Variants in ASIC2 observed in about 807,000 individuals in gnomAD.
ASIC2 encodes the protein acid-sensing ion channel 2.
Under a neutral mutation model 57.3 loss-of-function variants are expected in ASIC2, and 25 were observed. The ratio of observed to expected loss-of-function variants is 0.44; its 90% confidence interval spans 0.32 to 0.61. The LOEUF (loss-of-function observed/expected upper bound fraction) is 0.61. Ranked by LOEUF, ASIC2 falls within the 20% of genes least tolerant of loss-of-function variation. ASIC2 has a pLI of 0.06. For synonymous variants in ASIC2, 319 were observed against 307.5 expected (o/e 1.04, Z -0.39); for missense variants, 641 against 738.1 (o/e 0.87, Z 1.52).
intron 1 of ASIC2, among the ~76,000 whole-genome samples, chr17:33,712,500 A>C (rs1909070755): frequency 6.6e-6 from 1 of 152,192 alleles, no homozygotes; most frequent in Non-Finnish European, 1.5e-5. Context: ...TGGGTAAAGA[A>C]TTCGGGCCTG....
intron 1 of ASIC2, among the ~76,000 whole-genome samples, chr17:33,596,138 G>A (rs1904971658): frequency 6.6e-6 from 1 of 152,154 alleles, no homozygotes. Context: ...TTGGAGCTCT[G>A]AGCTTTTCAC....
intron 1 of ASIC2, among the ~76,000 whole-genome samples, chr17:34,088,320 T>C (rs1243546752): frequency 6.6e-6 from 1 of 152,224 alleles, no homozygotes; most frequent in African/African-American, 2.4e-5. Flanking sequence ...AGACCCTGTT[T>C]GCCTGGGTAT....
intron 1 of ASIC2, among the ~76,000 whole-genome samples, chr17:33,696,554 A>G (rs542682160): frequency 6.6e-6 from 1 of 152,190 alleles, no homozygotes; most frequent in Non-Finnish European, 1.5e-5. Flanking sequence ...ACATGAACGA[A>G]GAAGGCCCCC....
intron 1 of ASIC2, among the ~76,000 whole-genome samples, chr17:33,227,071 CAGTT>C (rs1439622744): frequency 1.3e-5 from 2 of 152,040 alleles, no homozygotes; most frequent in Non-Finnish European, 2.9e-5. Context: ...GAGCACATCT[CAGTT>C]AGGATTGGCC....
chr17:33,414,520 C>T (rs548533348), intron 1 of ASIC2, among the ~76,000 whole-genome samples: 1 of 152,284 alleles, frequency 6.6e-6, no homozygotes, highest in South Asian at 2.1e-4. Context: ...ACGGCAGCCA[C>T]CGACTGGGCT....
At chr17:33,452,738 G>GGGGTGTGTGTGT (rs1555535324) in intron 1 of ASIC2, among the ~76,000 whole-genome samples, 17 of 140,508 alleles carry the variant, frequency 1.2e-4, no homozygotes, top group South Asian at 7.3e-4. Flanking sequence ...AACAGAGTGG[G>GGGGTGTGTGTGT]GTGTGTGTGT....
In ASIC2 at chr17:33,561,022, A is replaced by C. The variant is rs189757899; in HGVS notation, c.556-448955T>G. The stretch of plus-strand genomic sequence containing the variant: ...AGGTGGCATACTTCTGGGCAGTCTA[A>C]ATTTTCAGAGGTCAAGCCTTTCTGT... On this transcript the variant is annotated intron_variant, in intron 1 of 9. Transcript: ENST00000359872. Among the ~76,000 whole-genome samples, 305 of 152,194 alleles carry C rather than the reference A, an allele frequency of 2.0e-3. 1 individual carries two copies. The highest frequency in any genetic ancestry group is 6.4e-3 in the South Asian group (31 of 4,814).
intron 1 of ASIC2, among the ~76,000 whole-genome samples, chr17:33,602,843 T>C (rs1164748726): frequency 2.6e-5 from 4 of 152,224 alleles, no homozygotes; most frequent in Non-Finnish European, 5.9e-5. Flanking sequence ...GAAATAGCTG[T>C]GGAATGAAGT....
At chr17:33,621,721 T>A (rs1011599836) in intron 1 of ASIC2, among the ~76,000 whole-genome samples, 1 of 152,230 alleles carries the variant, frequency 6.6e-6, no homozygotes, top group African/African-American at 2.4e-5. Context: ...ATGCAGTTCC[T>A]GGGGGCCTCT....
chr17:33,441,126 G>C (rs1376405722), intron 1 of ASIC2, among the ~76,000 whole-genome samples: 2 of 151,958 alleles, frequency 1.3e-5, no homozygotes, highest in Non-Finnish European at 2.9e-5. Context: ...GTGCTACCAT[G>C]CCTGGCTAAT....
At chr17:33,035,066 A>C (rs1032535831) in intron 3 of ASIC2, among the ~76,000 whole-genome samples, 1 of 152,008 alleles carries the variant, frequency 6.6e-6, no homozygotes, top group African/African-American at 2.4e-5. Context: ...ACCTGTGCTC[A>C]AGTTTGGCAT....
At chr17:33,628,908 G>C (rs1437288452) in intron 1 of ASIC2, among the ~76,000 whole-genome samples, 4 of 152,170 alleles carry the variant, frequency 2.6e-5, no homozygotes, top group Non-Finnish European at 2.9e-5. Context: ...TCTTAGCCCT[G>C]CACTGTGCCT....
At chr17:33,830,970 C>T (rs1427839325) in intron 1 of ASIC2, among the ~76,000 whole-genome samples, 1 of 151,516 alleles carries the variant, frequency 6.6e-6, no homozygotes, top group Non-Finnish European at 1.5e-5. Flanking sequence ...ATTAGCAAGG[C>T]ATGATGGCAT....
At chr17:33,828,249 G>T (rs549954650) in intron 1 of ASIC2, 2 of 152,258 alleles carry the variant, frequency 1.3e-5, no homozygotes, top group African/African-American at 4.8e-5. Flanking sequence ...AAATCTGAGG[G>T]TATTTAGTCT....
At chr17:33,017,053 C>A (rs1380729970) in intron 8 of ASIC2, among the ~76,000 whole-genome samples, 2 of 152,216 alleles carry the variant, frequency 1.3e-5, no homozygotes, top group Non-Finnish European at 2.9e-5. Context: ...GGAGACATTT[C>A]CCCAGACTGT....
intron 1 of ASIC2, among the ~76,000 whole-genome samples, chr17:33,702,587 G>A (rs1908738173): frequency 6.6e-6 from 1 of 152,164 alleles, no homozygotes; most frequent in Admixed American, 6.5e-5. Context: ...CCCGAGGGAG[G>A]AATTAGGGAG....
intron 2 of ASIC2, 72 bp from the exon 3 acceptor site, chr17:33,089,062 G>C (rs184514372): frequency 2.1e-5 from 34 of 1,584,458 alleles, no homozygotes; most frequent in Non-Finnish European, 2.7e-5. Context: ...GGATTGAAAA[G>C]CTCAAAGGGA....
At chr17:33,403,138 T>C (rs1910341429) in intron 1 of ASIC2, among the ~76,000 whole-genome samples, 1 of 152,196 alleles carries the variant, frequency 6.6e-6, no homozygotes, top group Non-Finnish European at 1.5e-5. Context: ...CCTCCATTGC[T>C]AGTGACCATG....
At chr17:33,183,317 C>T (rs1445673690) in intron 1 of ASIC2, among the ~76,000 whole-genome samples, 2 of 152,096 alleles carry the variant, frequency 1.3e-5, no homozygotes, top group Non-Finnish European at 2.9e-5. Context: ...TATAAATTAC[C>T]AACTAAGATA....
Sources: allele counts gnomAD v4.1 joint callset (sites outside exome capture counted in the v4.1 genomes callset), GRCh38; gene constraint gnomAD v4.1.1; transcripts MANE v1.5; gene names NCBI Gene and HGNC (gene_info 2026-07-23, HGNC 2026-07-21).